CC2D2B: variants seen among roughly 807,000 people sequenced by gnomAD.
CC2D2B encodes protein CC2D2B.
Under a neutral mutation model 161.2 loss-of-function variants are expected in CC2D2B, and 128 were observed. The ratio of observed to expected loss-of-function variants is 0.79; its 90% CI spans 0.69 to 0.92. The LOEUF is 0.92. Ranked by LOEUF, CC2D2B falls within the 40% of genes least tolerant of loss-of-function variation. CC2D2B has a pLI of 0.00. For synonymous variants in CC2D2B, 391 were observed against 449.8 expected, an observed-to-expected ratio of 0.87 and a Z score of 1.65; for missense variants, 1,173 against 1,375.1, an observed-to-expected ratio of 0.85 and a Z score of 2.32.
chr10:95,926,848 C>CTGTGTGTGTGTGTGTG (rs1209292988), intron 5 of CC2D2B, among the ~76,000 whole-genome samples: 7 of 106,962 alleles, frequency 6.5e-5, no homozygotes, highest in Non-Finnish European at 9.3e-5. Context: ...GTGTGTGTGT[C>CTGTGTGTGTGTGTGTG]TGTGTGTGTG....
intron 6 of CC2D2B, among the ~76,000 whole-genome samples, chr10:95,930,457 C>T (rs2098548014): frequency 1.3e-5 from 2 of 152,310 alleles, no homozygotes; most frequent in Non-Finnish European, 2.9e-5. Flanking sequence ...TGAGAGAGGG[C>T]ATCCTTGTCT....
chr10:95,934,462 C>A (rs1447260421), intron 6 of CC2D2B, among the ~76,000 whole-genome samples: 5 of 150,998 alleles, frequency 3.3e-5, no homozygotes, highest in South Asian at 2.1e-4. Flanking sequence ...AACAAACAAA[C>A]AAAAAAACCT....
intron 2 of CC2D2B, among the ~76,000 whole-genome samples, chr10:95,913,805 A>G (rs1345105260): frequency 2.0e-5 from 3 of 152,004 alleles, no homozygotes; most frequent in Non-Finnish European, 2.9e-5. Flanking sequence ...CCATTTTTAA[A>G]TCAGATTATT....
rs762994375 is a variant in CC2D2B at position 96,027,206 on chromosome 10, C to T, written c.3948-6C>T. On this transcript the variant is annotated splice_polypyrimidine_tract_variant and splice_region_variant and intron_variant, in intron 33 of 34. Transcript: ENST00000646931. Reference sequence around the variant, plus strand: ...TCATAAAATTACCTTTGGATTCTTACCTTAGGATCGAAAGGACTCTGAAGA... The same window carrying T: ...TCATAAAATTACCTTTGGATTCTTATCTTAGGATCGAAAGGACTCTGAAGA... 1.8e-4 allele frequency: 274 copies of T among 1,513,618 alleles called. 1 individual carries two copies. The highest frequency in any genetic ancestry group is 7.7e-5 in the Non-Finnish European group (87 of 1,126,914). The allele number at this position is 1,513,618 out of a possible 1,614,324, so 93.8% of individuals were successfully genotyped here.
chr10:95,927,768 A>G (rs1382498933), intron 6 of CC2D2B, among the ~76,000 whole-genome samples: 1 of 143,486 alleles, frequency 7.0e-6, no homozygotes, highest in African/African-American at 2.6e-5. Context: ...AATCTCCACT[A>G]CTCCTCATGG....
chr10:96,032,065 CT>C lies in CC2D2B; in HGVS notation c.*61del. On this transcript the variant is annotated 3_prime_UTR_variant, in exon 35 of 35. Transcript: ENST00000646931. ...TATAGTCCTCTAGTACCAACAAAAA[CT>C]TTTCTGGTACCTTGAGATTTTGCTG... The C allele has an allele frequency of 7.5e-7, 1 of 1,331,734 alleles. No homozygotes were observed. The highest frequency in any genetic ancestry group is 2.4e-5 in the East Asian group (1 of 41,280). 82.5% of individuals were successfully genotyped at this position (1,331,734 alleles called of 1,614,324 possible). A position where few individuals can be genotyped will look rare whatever the true frequency, so the allele number is the denominator to read the frequency against.
At chr10:96,013,749 C>A in intron 28 of CC2D2B, 39 bp from the exon 29 acceptor site, 1 of 1,235,736 alleles carries the variant, frequency 8.1e-7, no homozygotes, top group Non-Finnish European at 1.2e-6. Flanking sequence ...AAGTGATGGA[C>A]ATACAGCACA....
chr10:95,986,832 A>C (rs1236419136), intron 19 of CC2D2B, among the ~76,000 whole-genome samples: 2 of 152,058 alleles, frequency 1.3e-5, no homozygotes, highest in East Asian at 3.9e-4. Context: ...CCTAACTTTA[A>C]GTGATCCGCC....
Position 96,031,826 on chromosome 10 carries a change from GGATTTC to G in CC2D2B, c.4133_4138del (p.Gly1378_Pro1380delinsAla). Reference sequence around the variant, plus strand: ...TGTTCTGTCTTTGATCCAGGTCACGGGATTTCCCATCCAGATGCCATACATTGATGT... The same window carrying G: ...TGTTCTGTCTTTGATCCAGGTCACGGCCATCCAGATGCCATACATTGATGT... On this transcript the variant is annotated inframe_deletion, in exon 35 of 35. Coordinates refer to ENST00000646931, the MANE Select transcript of CC2D2B (RefSeq NM_001349008.3). 1 of 1,612,902 alleles carries G rather than the reference GGATTTC, an allele frequency of 6.2e-7. No individual in the cohort carries two copies. Among genetic ancestry groups the G allele is most frequent in the Non-Finnish European group, 8.5e-7 (1 of 1,179,188 alleles).
intron 18 of CC2D2B, among the ~76,000 whole-genome samples, chr10:95,982,384 G>A (rs2077561222): frequency 6.6e-6 from 1 of 152,140 alleles, no homozygotes; most frequent in Non-Finnish European, 1.5e-5. Context: ...AGTCTTTTAT[G>A]CTAACATCTA....
At chr10:96,020,321 C>T (rs2079397292) in intron 32 of CC2D2B, 1 of 153,388 alleles carries the variant, frequency 6.5e-6, no homozygotes, top group Admixed American at 6.5e-5. Context: ...CCAGAGCAAG[C>T]ATCACTTTTT....
intron 10 of CC2D2B, among the ~76,000 whole-genome samples, chr10:95,951,272 C>T (rs1021177334): frequency 6.6e-6 from 1 of 152,122 alleles, no homozygotes; most frequent in South Asian, 2.1e-4. Context: ...ACTTCAGCCT[C>T]CTAAGTAGCT....
At chr10:96,007,118 T>A (rs1412306147) in intron 25 of CC2D2B, among the ~76,000 whole-genome samples, 1 of 152,138 alleles carries the variant, frequency 6.6e-6, no homozygotes, top group East Asian at 1.9e-4. Context: ...GATTATTTCA[T>A]CACCCAGGTA....
intron 15 of CC2D2B, among the ~76,000 whole-genome samples, chr10:95,969,172 C>G (rs906691039): frequency 6.6e-6 from 1 of 152,162 alleles, no homozygotes; most frequent in Admixed American, 6.6e-5. Flanking sequence ...CTATTCATTG[C>G]AATGAGGTGG....
At chr10:95,948,349 C>T (rs1173992265) in intron 9 of CC2D2B, among the ~76,000 whole-genome samples, 6 of 101,102 alleles carry the variant, frequency 5.9e-5, no homozygotes, top group African/African-American at 2.0e-4. Flanking sequence ...AGAAATAATG[C>T]CGCATATCTA....
chr10:95,973,150 C>T (rs183144510), intron 16 of CC2D2B, among the ~76,000 whole-genome samples: 86 of 132,822 alleles, frequency 6.5e-4, no homozygotes, highest in East Asian at 2.5e-3. Flanking sequence ...GAGGAGGGGG[C>T]GGGGGGAAAT....
At chr10:95,995,140 G>A (rs1003429822) in intron 22 of CC2D2B, 129 bp from the exon 23 acceptor site, 2 of 499,050 alleles carry the variant, frequency 4.0e-6, no homozygotes, top group Middle Eastern at 2.9e-4. Flanking sequence ...ACAATTCAAG[G>A]CAAACTCAGT....
intron 14 of CC2D2B, among the ~76,000 whole-genome samples, chr10:95,968,092 C>G (rs1020926302): frequency 6.6e-6 from 1 of 152,204 alleles, no homozygotes; most frequent in Non-Finnish European, 1.5e-5. Flanking sequence ...TATGCCTCAA[C>G]AAGTGTTTCC....
At chr10:95,926,394 A>T (rs10786247) in intron 5 of CC2D2B, among the ~76,000 whole-genome samples, 39,910 of 152,020 alleles carry the variant, frequency 0.26, 6,152 homozygotes, top group Admixed American at 0.36. Context: ...CTGACAATTC[A>T]TATAAGCAGC....
Sources: gnomAD v4.1 joint callset for allele counts (sites outside exome capture counted in the v4.1 genomes callset) on GRCh38, gnomAD v4.1.1 for gene constraint, MANE v1.5 for transcripts, NCBI Gene and HGNC (gene_info 2026-07-23, HGNC 2026-07-21) for gene names.